Variants in POU6F2 observed in about 807,000 individuals in gnomAD.
The protein encoded by POU6F2 is POU class 6 homeobox 2.
POU6F2 carries 31 observed loss-of-function variants against 71.3 expected under a neutral mutation model. That is an observed-to-expected ratio of 0.43 (90% confidence interval 0.33 to 0.59). The LOEUF (loss-of-function observed/expected upper bound fraction) is 0.59. Ranked by LOEUF, POU6F2 falls within the 20% of genes least tolerant of loss-of-function variation. POU6F2 has a pLI of 0.04. For synonymous variants in POU6F2, 347 were observed against 355.7 expected (o/e 0.98, Z 0.27); for missense variants, 783 against 856.8 (o/e 0.91, Z 1.07).
intron 2 of POU6F2, among the ~76,000 whole-genome samples, chr7:39,203,025 G>A (rs1283090512): frequency 6.6e-6 from 1 of 152,180 alleles, no homozygotes; most frequent in Non-Finnish European, 1.5e-5. Flanking sequence ...ATAAAATGCT[G>A]TTATGATTGA....
At chr7:39,241,122 A>G (rs1783719647) in intron 4 of POU6F2, among the ~76,000 whole-genome samples, 1 of 152,106 alleles carries the variant, frequency 6.6e-6, no homozygotes. Flanking sequence ...ATTGGCTGGA[A>G]TTAGGTCGCA....
At chr7:39,256,162 T>C (rs760028681) in intron 4 of POU6F2, among the ~76,000 whole-genome samples, 2 of 152,086 alleles carry the variant, frequency 1.3e-5, no homozygotes, top group African/African-American at 4.8e-5. Flanking sequence ...AACCCTGCCA[T>C]TTTGCTCTTC....
rs58095258 is a variant in POU6F2, at chr7:39,036,448, A to G, written c.106-49412A>G. 4.0e-3 allele frequency among the ~76,000 whole-genome samples: 608 copies of G among 152,272 alleles called. 1 individual carries two copies. The highest frequency in any genetic ancestry group is 0.014 in the African/African-American group (577 of 41,556). ...ATTTAATTATAATTAATTGTCATGA[A>G]TGATGCCATTTACATTTATTCTACA... is the stretch of plus-strand genomic sequence containing the variant. On this transcript the variant is annotated intron_variant, in intron 1 of 9. Coordinates refer to ENST00000518318, the MANE Select transcript of POU6F2 (RefSeq NM_001370959.1).
intron 2 of POU6F2, among the ~76,000 whole-genome samples, chr7:39,148,569 G>T (rs1792671345): frequency 6.6e-6 from 1 of 151,954 alleles, no homozygotes; most frequent in East Asian, 1.9e-4. Context: ...GATAATGATG[G>T]TGATGATGAT....
rs145075542 is a variant in POU6F2, at chr7:39,034,033, C to T, written c.106-51827C>T. Among the ~76,000 whole-genome samples, 307 of 152,230 alleles carry T rather than the reference C, an allele frequency of 2.0e-3. 1 individual carries two copies. The highest frequency in any genetic ancestry group is 7.0e-3 in the African/African-American group (292 of 41,534). On this transcript the variant is annotated intron_variant, in intron 1 of 9. Transcript: ENST00000518318. ...TGTGCGTAAATAACTTTCTTCAAGC[C>T]GTACACGTCTGCCCTGCTCTCATTA...
chr7:39,103,545 C>G (rs964740812), intron 2 of POU6F2, among the ~76,000 whole-genome samples: 4 of 152,202 alleles, frequency 2.6e-5, no homozygotes, highest in Admixed American at 2.0e-4. Flanking sequence ...TGGTGTTCCC[C>G]TAGAAAATGT....
intron 1 of POU6F2, among the ~76,000 whole-genome samples, chr7:39,064,891 A>G (rs769526327): frequency 1.1e-4 from 17 of 152,020 alleles, no homozygotes; most frequent in Middle Eastern, 3.4e-3. Context: ...GAAACATTAC[A>G]CATCAAATAA....
chr7:39,316,441 T>C (rs1286985615), intron 4 of POU6F2, among the ~76,000 whole-genome samples: 2 of 152,198 alleles, frequency 1.3e-5, no homozygotes, highest in Admixed American at 6.5e-5. Flanking sequence ...TCAGGCAGTG[T>C]GGCTGAGAAA....
intron 1 of POU6F2, among the ~76,000 whole-genome samples, chr7:39,038,745 A>G (rs527886041): frequency 6.6e-6 from 1 of 151,872 alleles, no homozygotes; most frequent in Non-Finnish European, 1.5e-5. Flanking sequence ...ATCTTAATTA[A>G]CTCCTACATT....
intron 2 of POU6F2, among the ~76,000 whole-genome samples, chr7:39,185,526 A>G (rs1793515198): frequency 6.6e-6 from 1 of 152,162 alleles, no homozygotes; most frequent in South Asian, 2.1e-4. Context: ...TAAAAATAGA[A>G]CCAGGTATTC....
chr7:39,414,163 C>CCT (rs1441810228), intron 6 of POU6F2, among the ~76,000 whole-genome samples: 1 of 152,222 alleles, frequency 6.6e-6, no homozygotes, highest in East Asian at 1.9e-4. Context: ...TGCAGGAAGC[C>CCT]ATTCACACTC....
chr7:39,067,060 A>G (rs1418056364), intron 1 of POU6F2, among the ~76,000 whole-genome samples: 2 of 149,022 alleles, frequency 1.3e-5, no homozygotes, highest in Non-Finnish European at 3.0e-5. Context: ...TATTATGTAT[A>G]TGGCATATAT....
chr7:39,000,721 T>C (rs1425097849), intron 1 of POU6F2, among the ~76,000 whole-genome samples: 1 of 152,192 alleles, frequency 6.6e-6, no homozygotes, highest in Non-Finnish European at 1.5e-5. Context: ...TTATAGAGTA[T>C]CTAGAAAAGA....
chr7:39,141,313 A>G (rs1373481817), intron 2 of POU6F2, among the ~76,000 whole-genome samples: 2 of 152,286 alleles, frequency 1.3e-5, no homozygotes, highest in African/African-American at 4.8e-5. Flanking sequence ...GGGATTTCAG[A>G]TATAAGGAAG....
intron 1 of POU6F2, among the ~76,000 whole-genome samples, chr7:38,978,766 G>T (rs1788241796): frequency 6.6e-6 from 1 of 152,130 alleles, no homozygotes; most frequent in South Asian, 2.1e-4. Context: ...TGGGGCTGCT[G>T]TGATGAAATG....
At chr7:39,197,709 G>T (rs1793816158) in intron 2 of POU6F2, among the ~76,000 whole-genome samples, 1 of 152,170 alleles carries the variant, frequency 6.6e-6, no homozygotes, top group East Asian at 1.9e-4. Flanking sequence ...ACTTAAAAAG[G>T]CATTTTAAAA....
intron 4 of POU6F2, among the ~76,000 whole-genome samples, chr7:39,261,177 C>G (rs1784134142): frequency 6.6e-6 from 1 of 152,114 alleles, no homozygotes; most frequent in African/African-American, 2.4e-5. Flanking sequence ...GTTCTGTGAC[C>G]ACTAATTCCA....
intron 4 of POU6F2, among the ~76,000 whole-genome samples, chr7:39,246,066 GT>G (rs1242492927): frequency 6.6e-6 from 1 of 152,200 alleles, no homozygotes; most frequent in African/African-American, 2.4e-5. Flanking sequence ...GAAACAAGAC[GT>G]TAACCAAGTT....
intron 5 of POU6F2, among the ~76,000 whole-genome samples, chr7:39,361,117 T>C (rs1320311601): frequency 6.6e-6 from 1 of 152,228 alleles, no homozygotes; most frequent in African/African-American, 2.4e-5. Flanking sequence ...AAGCCCTCAC[T>C]GTCTATTTGT....
Sources: allele counts gnomAD v4.1 joint callset (sites outside exome capture counted in the v4.1 genomes callset), GRCh38; gene constraint gnomAD v4.1.1; transcripts MANE v1.5; gene names NCBI Gene and HGNC (gene_info 2026-07-23, HGNC 2026-07-21).